Variants in FLT3 observed in about 807,000 individuals in gnomAD.
FLT3 encodes receptor-type tyrosine-protein kinase FLT3.
A neutral mutation model predicts 126.6 loss-of-function variants in FLT3; 46 were observed. The ratio of observed to expected loss-of-function variants is 0.36; its 90% CI spans 0.29 to 0.46. The LOEUF is 0.46. FLT3 is among the 20% of genes least tolerant of loss of function. The probability of loss-of-function intolerance (pLI) is 1.00; values close to 1 mark genes in which losing one functional copy is unlikely to be tolerated. For synonymous variants in FLT3, 404 were observed against 434.4 expected (o/e 0.93, Z 0.87); for missense variants, 1,069 against 1,190.3 (o/e 0.90, Z 1.50).
chr13:28,044,559 T>C (rs1874690618), intron 9 of FLT3, among the ~76,000 whole-genome samples: 1 of 152,122 alleles, frequency 6.6e-6, no homozygotes, highest in African/African-American at 2.4e-5. Flanking sequence ...GAAAAAGACA[T>C]TTAGAGCACT....
Position 28,086,653 on chromosome 13 carries a change from T to C in FLT3, c.43+13815A>G, listed in dbSNP as rs182361291. Among the ~76,000 whole-genome samples the C allele has an allele frequency of 7.2e-3, 1,089 of 151,810 alleles. 23 individuals are homozygous for C. Among genetic ancestry groups the C allele is most frequent in the African/African-American group, 0.025 (1,027 of 41,334 alleles). ...GTGTGTGTGTGTGTGTGTGTGTGTG[T>C]GTGTGTGTGTTTGAGATGGAGTTTG... On this transcript the variant is annotated intron_variant, in intron 1 of 23. Coordinates refer to ENST00000241453, the MANE Select transcript of FLT3 (RefSeq NM_004119.3).
intron 1 of FLT3, among the ~76,000 whole-genome samples, chr13:28,090,354 G>A (rs1270586309): frequency 6.6e-6 from 1 of 152,070 alleles, no homozygotes; most frequent in African/African-American, 2.4e-5. Flanking sequence ...ACTTTTAAGG[G>A]GAATGGAAAT....
intron 1 of FLT3, among the ~76,000 whole-genome samples, chr13:28,085,102 G>A (rs1170398911): frequency 6.6e-6 from 1 of 152,062 alleles, no homozygotes; most frequent in African/African-American, 2.4e-5. Flanking sequence ...ACCTCACTTT[G>A]GGAGGCCGAC....
intron 20 of FLT3, among the ~76,000 whole-genome samples, chr13:28,017,768 A>G (rs1872013492): frequency 6.6e-6 from 1 of 151,244 alleles, no homozygotes; most frequent in African/African-American, 2.4e-5. Flanking sequence ...GGGTTCAAGC[A>G]ATTCTCCTGC....
At chr13:28,051,161 T>C (rs562345490) in intron 5 of FLT3, among the ~76,000 whole-genome samples, 1 of 152,296 alleles carries the variant, frequency 6.6e-6, no homozygotes, top group African/African-American at 2.4e-5. Flanking sequence ...CTTTAAACAA[T>C]CATATTAGAC....
chr13:28,065,548 A>T (rs1876939793), intron 2 of FLT3, among the ~76,000 whole-genome samples: 1 of 152,100 alleles, frequency 6.6e-6, no homozygotes, highest in African/African-American at 2.4e-5. Flanking sequence ...AGGCTGAGGC[A>T]GGAGGATTGC....
chr13:28,011,460 T>C (rs994226279), intron 23 of FLT3, among the ~76,000 whole-genome samples: 7 of 152,098 alleles, frequency 4.6e-5, no homozygotes, highest in African/African-American at 1.7e-4. Flanking sequence ...TAGATAGGAT[T>C]CTGCAGAGTG....
chr13:28,012,882 A>G (rs973234812), intron 23 of FLT3, among the ~76,000 whole-genome samples: 1 of 151,916 alleles, frequency 6.6e-6, no homozygotes, highest in African/African-American at 2.4e-5. Context: ...GGCTGCAGTG[A>G]GCTGAGATCA....
intron 6 of FLT3, 144 bp downstream of exon 6, chr13:28,049,951 A>T: frequency 8.8e-7 from 1 of 1,135,040 alleles, no homozygotes; most frequent in Non-Finnish European, 1.3e-6. Context: ...GCATTTACAG[A>T]ATCCATAATA....
intron 12 of FLT3, among the ~76,000 whole-genome samples, 171 bp downstream of exon 12, chr13:28,035,324 C>T (rs768652082): frequency 5.3e-5 from 8 of 152,180 alleles, no homozygotes; most frequent in African/African-American, 9.7e-5. Context: ...AGGACTCCGC[C>T]CCAACCTGTG....
intron 23 of FLT3, chr13:28,009,625 G>T (rs796900770): frequency 2.6e-5 from 4 of 152,242 alleles, no homozygotes; most frequent in Admixed American, 1.3e-4. Flanking sequence ...TGGCATGATC[G>T]TGGCTTACTG....
At chr13:28,015,560 C>A in intron 21 of FLT3, 30 bp downstream of exon 21, 4 of 1,364,950 alleles carry the variant, frequency 2.9e-6, no homozygotes, top group Admixed American at 3.4e-5. Flanking sequence ...AAGCCAGGAG[C>A]CAAGGGAGGC....
chr13:28,004,152 C>T lies in FLT3; in HGVS notation c.2882G>A (p.Arg961His), dbSNP rs373674960. The T allele has an allele frequency of 5.4e-5, 87 of 1,613,852 alleles. No individual in the cohort carries two copies. The highest frequency in any genetic ancestry group is 7.0e-5 in the Non-Finnish European group (83 of 1,179,972). Residue 961 changes from arginine to histidine, a missense_variant, in exon 24 of 24, where the codon CGT (arginine) becomes CAT (histidine). Transcript: ENST00000241453. ...GTAGGTGTGAGGACATTCCGAAACA[C>T]GGCCATCCACATTCTGATACATCTG... The part of the protein sequence containing the change: ...EEAMYQNVDG[R>H]VSECPHTYQN...
At chr13:28,074,063 A>G (rs1215981712) in intron 1 of FLT3, among the ~76,000 whole-genome samples, 1 of 152,032 alleles carries the variant, frequency 6.6e-6, no homozygotes, top group East Asian at 1.9e-4. Flanking sequence ...TACCAACCCC[A>G]TTCCCCCACA....
chr13:28,089,407 C>T (rs1001852126), intron 1 of FLT3, among the ~76,000 whole-genome samples: 1 of 151,112 alleles, frequency 6.6e-6, no homozygotes, highest in Non-Finnish European at 1.5e-5. Flanking sequence ...AACCTGTATT[C>T]AAATATTTAT....
intron 19 of FLT3, among the ~76,000 whole-genome samples, chr13:28,021,883 C>T (rs887985967): frequency 1.3e-5 from 2 of 151,916 alleles, no homozygotes; most frequent in Non-Finnish European, 2.9e-5. Flanking sequence ...GCTGGGACTA[C>T]AGGCGCCCGC....
rs1470955916 is a variant in FLT3, at chr13:28,036,195, AAAT to A, written c.1310-155_1310-153del. On this transcript the variant is annotated intron_variant, in intron 10 of 23. Coordinates refer to ENST00000241453, the MANE Select transcript of FLT3 (RefSeq NM_004119.3). ...CAACACAGCAAGACCCTGTCTCTGA[AAAT>A]AATAAAATAAAATAAGCTCTTGGAG... 4.7e-6 allele frequency: 3 copies of A among 636,438 alleles called. No homozygotes were observed. In the African/African-American group the frequency reaches 5.5e-5, roughly 12 times the overall value. 39.4% of individuals were successfully genotyped at this position (636,438 alleles called of 1,614,324 possible). A position where few individuals can be genotyped will look rare whatever the true frequency, so the allele number is the denominator to read the frequency against.
chr13:28,081,260 A>AT (rs1253069221), intron 1 of FLT3, among the ~76,000 whole-genome samples: 1 of 150,340 alleles, frequency 6.7e-6, no homozygotes, highest in African/African-American at 2.4e-5. Flanking sequence ...ATACATAAAT[A>AT]TGGCATATCA....
chr13:28,093,773 G>T (rs1187202371), intron 1 of FLT3, among the ~76,000 whole-genome samples: 13 of 152,182 alleles, frequency 8.5e-5, no homozygotes. Context: ...AAACTCCACT[G>T]CAATTTTCTT....
Sources: gnomAD v4.1 joint callset for allele counts (sites outside exome capture counted in the v4.1 genomes callset) on GRCh38, gnomAD v4.1.1 for gene constraint, MANE v1.5 for transcripts, NCBI Gene and HGNC (gene_info 2026-07-23, HGNC 2026-07-21) for gene names.